DCDC1: variants seen among roughly 807,000 people sequenced by gnomAD.
DCDC1 encodes the protein doublecortin domain containing 1, also known as doublecortin domain-containing protein 1.
In DCDC1, 200 loss-of-function variants were observed where a neutral mutation model predicts 178.3. The ratio of observed to expected loss-of-function variants is 1.12; its 90% CI spans 1.00 to 1.26. The LOEUF is 1.26. Among genes scored for constraint, DCDC1 ranks in the 50% most tolerant of loss-of-function variants. The pLI is 0.00. For synonymous variants in DCDC1, 690 were observed against 604.8 expected (o/e 1.14, Z -2.07); for missense variants, 1,983 against 1,749.2 (o/e 1.13, Z -2.38).
intron 20 of DCDC1, among the ~76,000 whole-genome samples, chr11:30,990,328 T>C (rs1328709795): frequency 6.6e-6 from 1 of 152,170 alleles, no homozygotes; most frequent in East Asian, 1.9e-4. Flanking sequence ...ATCATCACTG[T>C]GGGGACTGAA....
At position 31,268,823 on chromosome 11, in the gene DCDC1, A is replaced by G. The variant is rs1440765861; in HGVS notation, c.961-3223T>C. ...CTTTCCACAGTAGCTGAACTAATTT[A>G]CATTCTTACCAACAGTGTATAAGCG... On this transcript the variant is annotated intron_variant, in intron 7 of 38. Transcript: ENST00000684477. Among the ~76,000 whole-genome samples, 3 of 152,216 alleles carry G rather than the reference A, an allele frequency of 2.0e-5. No homozygotes were observed. The East Asian group carries it at 5.8e-4, about 29-fold the overall frequency.
intron 20 of DCDC1, among the ~76,000 whole-genome samples, chr11:30,996,316 G>A (rs1017410693): frequency 3.3e-5 from 5 of 152,148 alleles, no homozygotes; most frequent in Non-Finnish European, 7.4e-5. Flanking sequence ...CAGAGCAACA[G>A]GAGCTTTCAT....
intron 7 of DCDC1, chr11:31,280,762 G>T: frequency 1.7e-6 from 1 of 599,610 alleles, no homozygotes. Context: ...TTCTAGGGAT[G>T]TACTTCTTGG....
At chr11:31,211,846 G>C (rs1972573454) in intron 9 of DCDC1, among the ~76,000 whole-genome samples, 1 of 152,206 alleles carries the variant, frequency 6.6e-6, no homozygotes, top group South Asian at 2.1e-4. Context: ...ACTTTGGAAG[G>C]CCGAGGCAGG....
chr11:31,024,454 T>C (rs147958062), intron 20 of DCDC1, among the ~76,000 whole-genome samples: 5 of 152,078 alleles, frequency 3.3e-5, no homozygotes, highest in African/African-American at 9.6e-5. Flanking sequence ...TACTATATAA[T>C]GTTTTTTAAA....
At chr11:31,161,574 C>G (rs949556660) in intron 9 of DCDC1, among the ~76,000 whole-genome samples, 3 of 152,048 alleles carry the variant, frequency 2.0e-5, no homozygotes, top group African/African-American at 7.2e-5. Flanking sequence ...ATAAGAGTAC[C>G]AACACTGTGG....
chr11:30,923,604 A>AAAT (rs1223285541), intron 23 of DCDC1, among the ~76,000 whole-genome samples: 2 of 149,372 alleles, frequency 1.3e-5, no homozygotes, highest in Admixed American at 6.7e-5. Context: ...GGGAAACTTT[A>AAAT]AATAATAATA....
At chr11:31,245,706 A>G (rs893599708) in intron 8 of DCDC1, among the ~76,000 whole-genome samples, 6 of 151,860 alleles carry the variant, frequency 4.0e-5, no homozygotes, top group Non-Finnish European at 7.4e-5. Flanking sequence ...GTCATAAATC[A>G]TGCTTCTATA....
At chr11:31,239,205 C>G (rs1383470064) in intron 9 of DCDC1, among the ~76,000 whole-genome samples, 1 of 151,978 alleles carries the variant, frequency 6.6e-6, no homozygotes, top group Non-Finnish European at 1.5e-5. Flanking sequence ...TTTCACCTAT[C>G]TAAAGATTCT....
intron 3 of DCDC1, among the ~76,000 whole-genome samples, chr11:31,314,825 CTT>C (rs1428901792): frequency 2.0e-5 from 3 of 152,114 alleles, no homozygotes; most frequent in African/African-American, 7.2e-5. Flanking sequence ...TATAATGAAA[CTT>C]AATCATGATG....
intron 34 of DCDC1, among the ~76,000 whole-genome samples, chr11:30,897,627 A>G (rs1429840307): frequency 1.3e-5 from 2 of 151,982 alleles, no homozygotes; most frequent in South Asian, 2.1e-4. Context: ...ATTGTAATAA[A>G]AACTGAAGAC....
chr11:30,885,983 A>G (rs1590222094), intron 36 of DCDC1, among the ~76,000 whole-genome samples: 1 of 152,154 alleles, frequency 6.6e-6, no homozygotes, highest in Admixed American at 6.6e-5. Flanking sequence ...TAATACATCA[A>G]TTTGATAGAA....
intron 20 of DCDC1, among the ~76,000 whole-genome samples, chr11:30,997,472 A>G (rs1422386539): frequency 1.3e-5 from 2 of 152,194 alleles, no homozygotes; most frequent in Non-Finnish European, 2.9e-5. Flanking sequence ...TAATCTAGTA[A>G]CTGGAAAACA....
At chr11:30,928,433 G>C (rs2134292775) in intron 22 of DCDC1, among the ~76,000 whole-genome samples, 1 of 150,738 alleles carries the variant, frequency 6.6e-6, no homozygotes, top group African/African-American at 2.4e-5. Context: ...GTTTATAATA[G>C]GTAAAATATA....
At chr11:31,210,710 C>CAA (rs533444227) in intron 9 of DCDC1, among the ~76,000 whole-genome samples, 5 of 51,386 alleles carry the variant, frequency 9.7e-5, no homozygotes, top group Admixed American at 2.1e-4. Flanking sequence ...GACTCCGTCT[C>CAA]AAAAAAAAAA....
At chr11:31,090,299 C>A (rs974109921) in intron 17 of DCDC1, among the ~76,000 whole-genome samples, 21 of 152,192 alleles carry the variant, frequency 1.4e-4, no homozygotes, top group Admixed American at 1.4e-3. Flanking sequence ...TGGCAATTGT[C>A]TGACTGGACT....
At chr11:31,034,559 G>A (rs1311132814) in intron 20 of DCDC1, among the ~76,000 whole-genome samples, 3 of 152,076 alleles carry the variant, frequency 2.0e-5, no homozygotes, top group Non-Finnish European at 2.9e-5. Flanking sequence ...AGCATGTGTA[G>A]ATACACAAAT....
intron 9 of DCDC1, among the ~76,000 whole-genome samples, chr11:31,219,013 C>G (rs955824802): frequency 5.3e-5 from 8 of 152,030 alleles, no homozygotes; most frequent in Non-Finnish European, 1.2e-4. Context: ...ATAGCAAGGA[C>G]AAGTTTAAAC....
chr11:30,888,015 AAAG>A (rs1431843737), intron 36 of DCDC1, among the ~76,000 whole-genome samples: 1 of 147,462 alleles, frequency 6.8e-6, no homozygotes, highest in Non-Finnish European at 1.5e-5. Flanking sequence ...AAAAAAAAAG[AAAG>A]AAAGAGAGAG....
Sources: allele counts gnomAD v4.1 joint callset (sites outside exome capture counted in the v4.1 genomes callset), GRCh38; gene constraint gnomAD v4.1.1; transcripts MANE v1.5; gene names NCBI Gene and HGNC (gene_info 2026-07-23, HGNC 2026-07-21).